BLVRB: variants seen among roughly 807,000 people sequenced by gnomAD.
The protein encoded by BLVRB is biliverdin reductase B.
Under a neutral mutation model 21.1 loss-of-function variants are expected in BLVRB, and 25 were observed. That is an observed-to-expected ratio of 1.19 (90% CI 0.86 to 1.66). The LOEUF (loss-of-function observed/expected upper bound fraction) is 1.66. Among genes scored for constraint, BLVRB ranks in the 40% most tolerant of loss-of-function variants. The probability of loss-of-function intolerance (pLI) is 0.00; values close to 1 mark genes in which losing one functional copy is unlikely to be tolerated. For synonymous variants in BLVRB, 128 were observed against 122.2 expected (o/e 1.05, Z -0.31); for missense variants, 274 against 282.7 (o/e 0.97, Z 0.22).
At chr19:40,460,763 G>A (rs1423339226) in intron 1 of BLVRB, among the ~76,000 whole-genome samples, 2 of 152,068 alleles carry the variant, frequency 1.3e-5, no homozygotes, top group Non-Finnish European at 2.9e-5. Context: ...ACCTGAAGTT[G>A]GAAGTCCAAG....
At position 40,461,498 on chromosome 19, in the gene BLVRB, A is replaced by AT. The variant is rs35562498; in HGVS notation, c.80-2954dup. 0.015 allele frequency among the ~76,000 whole-genome samples: 2,006 copies of AT among 135,502 alleles called. 123 individuals carry two copies. In the East Asian group the frequency reaches 0.2, roughly 14 times the overall value. 88.9% of individuals were successfully genotyped at this position (135,502 alleles called of 152,430 possible). A position where few individuals can be genotyped will look rare whatever the true frequency, so the allele number is the denominator to read the frequency against. On this transcript the variant is annotated intron_variant, in intron 1 of 4. Transcript: ENST00000263368. ...CCTCTGCCCTCTTCACCCACAGCACATTTTTTTTTTTTTTTTTCTGAGACG... is the reference window on the plus strand; with the variant it reads ...CCTCTGCCCTCTTCACCCACAGCACATTTTTTTTTTTTTTTTTTCTGAGACG...
intron 1 of BLVRB, among the ~76,000 whole-genome samples, chr19:40,464,572 C>T (rs971230957): frequency 2.6e-5 from 4 of 152,166 alleles, no homozygotes; most frequent in African/African-American, 7.2e-5. Flanking sequence ...GGTGACTCAG[C>T]GCCTCTCAAC....
intron 1 of BLVRB, among the ~76,000 whole-genome samples, chr19:40,463,837 G>A (rs987344340): frequency 4.0e-5 from 6 of 149,528 alleles, no homozygotes; most frequent in East Asian, 3.9e-4. Flanking sequence ...GCGTAATCTC[G>A]GCTCACCACA....
chr19:40,461,586 G>A (rs370802683), intron 1 of BLVRB, among the ~76,000 whole-genome samples: 7 of 150,724 alleles, frequency 4.6e-5, no homozygotes, highest in South Asian at 2.1e-4. Context: ...TGCAACCTCC[G>A]TCTCATGGGT....
At chr19:40,463,301 A>C (rs1350561254) in intron 1 of BLVRB, among the ~76,000 whole-genome samples, 1 of 152,208 alleles carries the variant, frequency 6.6e-6, no homozygotes, top group Non-Finnish European at 1.5e-5. Context: ...AGTACCTCCT[A>C]TATAAGATCT....
At chr19:40,451,572 C>T in intron 3 of BLVRB, 80 bp from the exon 4 acceptor site, 4 of 1,429,404 alleles carry the variant, frequency 2.8e-6, no homozygotes, top group East Asian at 5.1e-5. Context: ...GTCGCTTTGT[C>T]ACCCAGGCTG....
intron 4 of BLVRB, among the ~76,000 whole-genome samples, chr19:40,449,146 G>T (rs965987482): frequency 2.0e-5 from 3 of 151,978 alleles, no homozygotes; most frequent in Non-Finnish European, 4.4e-5. Context: ...ATCTGAATCT[G>T]TGACAAAACA....
At position 40,451,364 on chromosome 19, in the gene BLVRB, CTA is replaced by C; in HGVS notation, c.461_462del (p.Ile154ArgfsTer26). ...GCCACCAGGTCCCTGCCCTGCTTAC[CTA>C]TGTGTGGCGGCATCACAGCCACGTA... ...LKYVAVMPPH[I>X]GDQPLTGAYT... On this transcript the variant is annotated frameshift_variant and splice_region_variant, in exon 4 of 5. Transcript: ENST00000263368. LOFTEE classifies it high-confidence loss of function. The C allele has an allele frequency of 1.9e-6, 3 of 1,601,260 alleles. No individual in the cohort carries two copies. Among genetic ancestry groups the C allele is most frequent in the Non-Finnish European group, 2.6e-6 (3 of 1,174,294 alleles).
intron 4 of BLVRB, among the ~76,000 whole-genome samples, chr19:40,449,917 T>C (rs576582005): frequency 6.6e-6 from 1 of 152,116 alleles, no homozygotes; most frequent in South Asian, 2.1e-4. Context: ...TTCACACACT[T>C]GGCTGGGCGT....
At chr19:40,452,394 C>G (rs45472391) in intron 3 of BLVRB, among the ~76,000 whole-genome samples, 1 of 152,004 alleles carries the variant, frequency 6.6e-6, no homozygotes, top group Non-Finnish European at 1.5e-5. Context: ...CTCACTGCAG[C>G]CTTGACTTTC....
intron 4 of BLVRB, among the ~76,000 whole-genome samples, chr19:40,449,076 T>C (rs1380571982): frequency 1.3e-5 from 2 of 148,852 alleles, no homozygotes; most frequent in African/African-American, 4.9e-5. Context: ...AGACCCTGTC[T>C]CAAAAAAAAA....
chr19:40,447,974 T>C lies in BLVRB; in HGVS notation c.536A>G (p.His179Arg). Residue 179 changes from histidine to arginine, a missense_variant, in exon 5 of 5, where the codon CAT becomes CGT. Coordinates refer to ENST00000263368, the MANE Select transcript of BLVRB (RefSeq NM_000713.3). ...GCGCAGCATGAAATGGCCCAGGTCA[T>C]GTTTGGAGATGACCCTTGAGGGCCC... The part of the protein sequence containing the change: ...GRGPSRVISK[H>R]DLGHFMLRCL... The C allele has an allele frequency of 1.9e-6, 3 of 1,614,042 alleles. No individual in the cohort carries two copies. Among genetic ancestry groups the C allele is most frequent in the Non-Finnish European group, 1.7e-6 (2 of 1,179,988 alleles).
At position 40,460,247 on chromosome 19, in the gene BLVRB, C is replaced by CATATATATATATAT. The variant is rs57153004; in HGVS notation, c.80-1716_80-1703dup. On this transcript the variant is annotated intron_variant, in intron 1 of 4. Transcript: ENST00000263368. ...ACATTTGGGTATACTGTAATAGCAACATATATATATATATATATATATATA... is the reference window on the plus strand; with the variant it reads ...ACATTTGGGTATACTGTAATAGCAACATATATATATATATATATATATATATATATATATATATA... Among the ~76,000 whole-genome samples the CATATATATATATAT allele has an allele frequency of 4.3e-4, 52 of 121,132 alleles. 1 individual carries two copies. The highest frequency in any genetic ancestry group is 1.5e-3 in the African/African-American group (44 of 29,412). The allele number at this position is 121,132 out of a possible 152,430, so 79.5% of individuals were successfully genotyped here.
chr19:40,451,530 T>C (rs1311529372), intron 3 of BLVRB, 38 bp from the exon 4 acceptor site: 8 of 1,446,952 alleles, frequency 5.5e-6, no homozygotes, highest in Non-Finnish European at 7.2e-6. Context: ...CTGGGCTCTC[T>C]TGTCTTTTTT....
intron 3 of BLVRB, among the ~76,000 whole-genome samples, 181 bp from the exon 4 acceptor site, chr19:40,451,673 C>G (rs1183051407): frequency 6.6e-6 from 1 of 152,076 alleles, no homozygotes; most frequent in East Asian, 1.9e-4. Context: ...GCTGGGATTA[C>G]AGGTGCACAC....
rs1195895320 is a variant in BLVRB, at chr19:40,465,591, C to T, written c.79+19G>A. The stretch of plus-strand genomic sequence containing the variant: ...TGCCCGTCTGTCCCGTGACATGCCC[C>T]GCCCGCCCCGGCTCATGCCTGCTTG... On this transcript the variant is annotated intron_variant, in intron 1 of 4. Transcript: ENST00000263368. The T allele has an allele frequency of 1.9e-6, 3 of 1,604,898 alleles. No homozygotes were observed. Among genetic ancestry groups the T allele is most frequent in the Non-Finnish European group, 2.5e-6 (3 of 1,177,074 alleles).
chr19:40,450,856 A>ATCTG (rs2145776952), intron 4 of BLVRB, among the ~76,000 whole-genome samples: 1 of 150,912 alleles, frequency 6.6e-6, no homozygotes, highest in South Asian at 2.1e-4. Context: ...CTATCTATCT[A>ATCTG]TCTATCTATC....
At chr19:40,453,993 G>T (rs921891256) in intron 3 of BLVRB, among the ~76,000 whole-genome samples, 5 of 152,090 alleles carry the variant, frequency 3.3e-5, no homozygotes, top group African/African-American at 7.2e-5. Flanking sequence ...TCAACAAAAA[G>T]AAATAAATAA....
At chr19:40,460,154 C>A (rs966728778) in intron 1 of BLVRB, among the ~76,000 whole-genome samples, 3 of 151,572 alleles carry the variant, frequency 2.0e-5, no homozygotes, top group Non-Finnish European at 4.4e-5. Context: ...CACACACATA[C>A]ACACACATTT....
Sources: gnomAD v4.1 joint callset for allele counts (sites outside exome capture counted in the v4.1 genomes callset) on GRCh38, gnomAD v4.1.1 for gene constraint, MANE v1.5 for transcripts, NCBI Gene and HGNC (gene_info 2026-07-23, HGNC 2026-07-21) for gene names.